SDHC: variants seen among roughly 807,000 people sequenced by gnomAD.
SDHC encodes the protein succinate dehydrogenase cytochrome b560 subunit, mitochondrial.
In SDHC, 11 loss-of-function variants were observed where a neutral mutation model predicts 22.6. The observed-to-expected ratio is 0.49, with a 90% confidence interval of 0.31 to 0.81. The LOEUF (loss-of-function observed/expected upper bound fraction) is 0.81. Among genes scored for constraint, SDHC ranks in the 30% least tolerant of loss-of-function variants. The pLI is 0.05. For missense variants in SDHC, 160 were observed against 212.0 expected (o/e 0.75, Z 1.52); for synonymous variants, 80 against 77.8 (o/e 1.03, Z -0.15).
intron 5 of SDHC, among the ~76,000 whole-genome samples, chr1:161,360,724 T>C (rs1338161546): frequency 2.0e-5 from 3 of 151,996 alleles, no homozygotes; most frequent in East Asian, 1.9e-4. Flanking sequence ...CTCTATTTTT[T>C]AGTATTAAAA....
chr1:161,355,737 G>T (rs1486893958), intron 4 of SDHC, among the ~76,000 whole-genome samples: 2 of 152,058 alleles, frequency 1.3e-5, no homozygotes, highest in African/African-American at 4.8e-5. Flanking sequence ...TAATCCCAGC[G>T]CTTTGGGAGG....
intron 1 of SDHC, among the ~76,000 whole-genome samples, chr1:161,316,127 C>A (rs1487245802): frequency 6.6e-6 from 1 of 152,166 alleles, no homozygotes; most frequent in East Asian, 1.9e-4. Flanking sequence ...TACACCGAGA[C>A]ATTCCATTGC....
intron 2 of SDHC, among the ~76,000 whole-genome samples, chr1:161,324,721 A>G (rs1670986857): frequency 2.6e-5 from 4 of 152,234 alleles, no homozygotes; most frequent in African/African-American, 9.6e-5. Context: ...CTTTAAGGGT[A>G]AATTGTGAAC....
intron 3 of SDHC, among the ~76,000 whole-genome samples, chr1:161,330,627 T>A (rs895447341): frequency 6.6e-6 from 1 of 152,156 alleles, no homozygotes; most frequent in Admixed American, 6.6e-5. Flanking sequence ...AATTTCGGGG[T>A]ATGACAGTCT....
chr1:161,356,736 G>A lies in SDHC; in HGVS notation c.301G>A (p.Glu101Lys), dbSNP rs1571890168. 6.2e-7 allele frequency: 1 copy of A among 1,613,954 alleles called. No individual in the cohort carries two copies. Among genetic ancestry groups the A allele is most frequent in the Non-Finnish European group, 8.5e-7 (1 of 1,179,968 alleles). Reference protein sequence around the residue: ...LLPGNFESYLELVKSLCLGPA... With the variant: ...LLPGNFESYLKLVKSLCLGPA... The stretch of plus-strand genomic sequence containing the variant: ...CCCTGGGAACTTTGAGTCTTATTTG[G>A]AACTTGTGAAGTCCCTGTGTCTGGG... The change falls in exon 5 of 6, where the codon GAA (glutamate) becomes AAA (lysine). Residue 101 changes from glutamate (E) to lysine (K), a missense_variant. Physicochemically the swap from Glu to Lys is moderately conservative, Grantham distance 56 (BLOSUM62 1). Around this residue, in one of 2 missense-constraint regions of SDHC, gnomAD observed 74 missense variants for 128.6 expected, o/e 0.58. Coordinates refer to ENST00000367975, the MANE Select transcript of SDHC (RefSeq NM_003001.5).
At chr1:161,328,323 T>G in intron 2 of SDHC, 73 bp from the exon 3 acceptor site, 1 of 1,243,512 alleles carries the variant, frequency 8.0e-7, no homozygotes, top group Non-Finnish European at 1.2e-6. Context: ...AATATTGACT[T>G]AATAAAACGT....
intron 1 of SDHC, 28 bp from the exon 2 acceptor site, chr1:161,323,586 A>G (rs757261879): frequency 2.5e-6 from 4 of 1,594,064 alleles, no homozygotes; most frequent in Admixed American, 3.3e-5. Context: ...CTAAATGTGT[A>G]TTGATTTTTG....
At chr1:161,326,063 G>A (rs140920590) in intron 2 of SDHC, among the ~76,000 whole-genome samples, 3,004 of 152,094 alleles carry the variant, frequency 0.02, 79 homozygotes, top group African/African-American at 0.065. Context: ...TTAGCTGGGC[G>A]CGGTGGCATG....
intron 1 of SDHC, among the ~76,000 whole-genome samples, chr1:161,322,367 T>C (rs768482961): frequency 7.2e-5 from 11 of 152,186 alleles, no homozygotes; most frequent in Non-Finnish European, 5.9e-5. Context: ...AGTAGAAAAC[T>C]TTCATGGGGT....
intron 2 of SDHC, among the ~76,000 whole-genome samples, chr1:161,324,871 T>G (rs1670992667): frequency 6.6e-6 from 1 of 152,188 alleles, no homozygotes; most frequent in Non-Finnish European, 1.5e-5. Context: ...CAGTTGATTT[T>G]CAGATTTTTC....
Position 161,328,336 on chromosome 1 carries a change from T to C in SDHC, c.78-60T>C. On this transcript the variant is annotated intron_variant, in intron 2 of 5. Coordinates refer to ENST00000367975, the MANE Select transcript of SDHC (RefSeq NM_003001.5). ...AAAATATTGACTTAATAAAACGTTA[T>C]GCAAAATATTAAACCAAGTTTACTT... The C allele has an allele frequency of 6.8e-6, 9 of 1,323,506 alleles. No homozygotes were observed. The South Asian group carries it at 8.2e-5, about 12-fold the overall frequency. The allele number at this position is 1,323,506 out of a possible 1,614,324, so 82.0% of individuals were successfully genotyped here.
Position 161,340,659 on chromosome 1 carries a change from T to C in SDHC, c.241+4T>C. The stretch of plus-strand genomic sequence containing the variant: ...ACTGGTATTGCTTTGAGTGCAGGTA[T>C]GTATATGTGTTTTTACACACACATA... On this transcript the variant is annotated splice_donor_region_variant and intron_variant, in intron 4 of 5. Coordinates refer to ENST00000367975, the MANE Select transcript of SDHC (RefSeq NM_003001.5). 1 of 1,613,122 alleles carries C rather than the reference T, an allele frequency of 6.2e-7. No homozygotes were observed. Among genetic ancestry groups the C allele is most frequent in the Non-Finnish European group, 8.5e-7 (1 of 1,179,092 alleles).
Position 161,318,507 on chromosome 1 carries a change from T to G in SDHC, c.20+4082T>G, listed in dbSNP as rs142036100. ...AGAACTAAGCTAAGGACAGCTAGGC[T>G]TCTATGTAATAATGTTCATGCTCCT... On this transcript the variant is annotated intron_variant, in intron 1 of 5. Coordinates refer to ENST00000367975, the MANE Select transcript of SDHC (RefSeq NM_003001.5). Among the ~76,000 whole-genome samples the G allele has an allele frequency of 4.6e-4, 70 of 152,280 alleles. 2 individuals carry two copies. In the East Asian group the frequency reaches 0.013, roughly 29 times the overall value.
intron 3 of SDHC, among the ~76,000 whole-genome samples, chr1:161,332,636 C>CTT (rs36047860): frequency 0.013 from 1,776 of 137,268 alleles, 37 homozygotes; most frequent in African/African-American, 0.041. Context: ...CTTTTTCTTT[C>CTT]TTTTTTTTTT....
At chr1:161,319,980 A>G (rs1670783158) in intron 1 of SDHC, among the ~76,000 whole-genome samples, 1 of 152,210 alleles carries the variant, frequency 6.6e-6, no homozygotes, top group Admixed American at 6.5e-5. Flanking sequence ...CTTATACTGT[A>G]AGCAGCGGGA....
At chr1:161,345,531 A>C (rs1358044759) in intron 4 of SDHC, among the ~76,000 whole-genome samples, 2 of 152,114 alleles carry the variant, frequency 1.3e-5, no homozygotes, top group Non-Finnish European at 2.9e-5. Context: ...ATCTCAGCTC[A>C]CTGCAACCTC....
chr1:161,346,052 G>A (rs528323550), intron 4 of SDHC, among the ~76,000 whole-genome samples: 3 of 152,220 alleles, frequency 2.0e-5, no homozygotes, highest in Admixed American at 6.5e-5. Context: ...GAATCTGCCC[G>A]CCTCAGCCTC....
At chr1:161,338,247 A>ATC (rs1671569040) in intron 3 of SDHC, among the ~76,000 whole-genome samples, 1 of 152,164 alleles carries the variant, frequency 6.6e-6, no homozygotes, top group Non-Finnish European at 1.5e-5. Flanking sequence ...ATCTGAGTTG[A>ATC]TCAGAGTGGT....
rs979221621 is a variant in SDHC at position 161,319,490 on chromosome 1, A to G, written c.21-4124A>G. 3.4e-5 allele frequency among the ~76,000 whole-genome samples: 5 copies of G among 146,856 alleles called. No individual in the cohort carries two copies. In the Admixed American group the frequency reaches 3.5e-4, roughly 10 times the overall value. On this transcript the variant is annotated intron_variant, in intron 1 of 5. Coordinates refer to ENST00000367975, the MANE Select transcript of SDHC (RefSeq NM_003001.5). Reference sequence around the variant, plus strand: ...GAGACTGAGTCTCGCTCTGTCGCCCAGGGTGGAGTGCAGTGGTGTGATCTT... The same window carrying G: ...GAGACTGAGTCTCGCTCTGTCGCCCGGGGTGGAGTGCAGTGGTGTGATCTT...
Sources: allele counts gnomAD v4.1 joint callset (sites outside exome capture counted in the v4.1 genomes callset), GRCh38; gene constraint gnomAD v4.1.1; regional missense constraint gnomAD v4.1.1; transcripts MANE v1.5; gene names NCBI Gene and HGNC (gene_info 2026-07-23, HGNC 2026-07-21).